Variants in TNFSF4 observed in about 807,000 individuals in gnomAD.
TNFSF4 encodes the protein tumor necrosis factor ligand superfamily member 4.
TNFSF4 carries 4 observed loss-of-function variants against 7.3 expected under a neutral mutation model. The observed-to-expected ratio is 0.55, with a 90% CI of 0.27 to 1.25. TNFSF4 has a LOEUF of 1.25. Ranked by LOEUF, TNFSF4 falls within the 50% of genes most tolerant of loss-of-function variation. TNFSF4 has a pLI of 0.12. For synonymous variants in TNFSF4, 76 were observed against 83.7 expected (o/e 0.91, Z 0.50); for missense variants, 181 against 208.8 (o/e 0.87, Z 0.82).
At chr1:173,328,064 T>C in the TNFSF4 span, among the ~76,000 whole-genome samples, 1 of 152,128 alleles carries the variant, frequency 6.6e-6, no homozygotes, top group Non-Finnish European at 1.5e-5. Flanking sequence ...TGTATGGTTA[T>C]TGCGGCACTA....
chr1:173,317,074 C>A, the TNFSF4 span, among the ~76,000 whole-genome samples: 2 of 152,162 alleles, frequency 1.3e-5, no homozygotes, highest in East Asian at 1.9e-4. Context: ...CTTGCAGTTT[C>A]TGGGCCTTTT....
the TNFSF4 span, among the ~76,000 whole-genome samples, chr1:173,291,954 A>G: frequency 6.6e-6 from 1 of 152,012 alleles, no homozygotes; most frequent in Non-Finnish European, 1.5e-5. Context: ...AACCCTGAAC[A>G]CAACAGTAAC....
chr1:173,189,289 A>T (rs1321569094), intron 1 of TNFSF4, among the ~76,000 whole-genome samples: 1 of 152,188 alleles, frequency 6.6e-6, no homozygotes, highest in Non-Finnish European at 1.5e-5. Flanking sequence ...TGGTTCAATC[A>T]ATCCATCATG....
At chr1:173,235,070 T>C in the TNFSF4 span, among the ~76,000 whole-genome samples, 9 of 152,212 alleles carry the variant, frequency 5.9e-5, no homozygotes, top group Non-Finnish European at 1.5e-5. Context: ...AGTGTTCCCT[T>C]TATTTTGAGT....
At chr1:173,302,016 A>T in the TNFSF4 span, among the ~76,000 whole-genome samples, 5 of 151,920 alleles carry the variant, frequency 3.3e-5, no homozygotes, top group African/African-American at 1.2e-4. Context: ...AGCTAAAAGA[A>T]TTGAGGTCAT....
chr1:173,429,585 C>G, the TNFSF4 span, among the ~76,000 whole-genome samples: 1 of 152,324 alleles, frequency 6.6e-6, no homozygotes, highest in East Asian at 1.9e-4. Flanking sequence ...CAAGACTGAG[C>G]ACAGGCTACG....
the TNFSF4 span, among the ~76,000 whole-genome samples, chr1:173,248,034 G>T: frequency 2.0e-5 from 3 of 152,160 alleles, no homozygotes; most frequent in Non-Finnish European, 4.4e-5. Context: ...CTTGAGGGGT[G>T]AGTGTTCTAG....
chr1:173,286,957 T>C, the TNFSF4 span, among the ~76,000 whole-genome samples: 10 of 152,108 alleles, frequency 6.6e-5, no homozygotes, highest in East Asian at 1.7e-3. Flanking sequence ...AAAAAAGACA[T>C]TGAAATAACT....
chr1:173,216,853 T>C, the TNFSF4 span, among the ~76,000 whole-genome samples: 1 of 152,196 alleles, frequency 6.6e-6, no homozygotes, highest in South Asian at 2.1e-4. Context: ...CTTCCTACTG[T>C]CTGCCATGTT....
chr1:173,294,937 G>C, the TNFSF4 span, among the ~76,000 whole-genome samples: 2 of 151,726 alleles, frequency 1.3e-5, no homozygotes, highest in Non-Finnish European at 2.9e-5. Flanking sequence ...ATTTTTTAAC[G>C]GGCAAAATAT....
chr1:173,322,506 G>GCAGAAT, the TNFSF4 span, among the ~76,000 whole-genome samples: 1 of 152,104 alleles, frequency 6.6e-6, no homozygotes, highest in Non-Finnish European at 1.5e-5. Flanking sequence ...GAGGTACCGG[G>GCAGAAT]TTCATCTCAC....
intron 1 of TNFSF4, among the ~76,000 whole-genome samples, chr1:173,197,776 G>GC (rs2101993196): frequency 6.6e-6 from 1 of 152,122 alleles, no homozygotes; most frequent in South Asian, 2.1e-4. Flanking sequence ...AGCCACCATG[G>GC]CACACGTTTA....
the TNFSF4 span, among the ~76,000 whole-genome samples, chr1:173,307,883 A>T: frequency 6.6e-6 from 1 of 151,946 alleles, no homozygotes; most frequent in Non-Finnish European, 1.5e-5. Context: ...ATAAAAGTTT[A>T]AAAATTATCT....
chr1:173,439,078 G>C, the TNFSF4 span, among the ~76,000 whole-genome samples: 1 of 152,228 alleles, frequency 6.6e-6, no homozygotes, highest in Non-Finnish European at 1.5e-5. Context: ...CCAACGGCCA[G>C]AAGCTGTCAT....
chr1:173,271,528 G>T, the TNFSF4 span, among the ~76,000 whole-genome samples: 2 of 152,098 alleles, frequency 1.3e-5, no homozygotes, highest in Non-Finnish European at 2.9e-5. Context: ...CCATCAAAAA[G>T]TAGGCAAAGG....
chr1:173,339,286 T>C, the TNFSF4 span, among the ~76,000 whole-genome samples: 2 of 151,972 alleles, frequency 1.3e-5, no homozygotes, highest in African/African-American at 2.4e-5. Flanking sequence ...GGAGGCTAAG[T>C]TGGGAGGTTC....
chr1:173,405,208 C>T, the TNFSF4 span, among the ~76,000 whole-genome samples: 1 of 152,154 alleles, frequency 6.6e-6, no homozygotes, highest in Non-Finnish European at 1.5e-5. Context: ...ACTTTGTGGG[C>T]CATATGGTTT....
the TNFSF4 span, among the ~76,000 whole-genome samples, chr1:173,369,837 CTT>C: frequency 6.6e-6 from 1 of 151,054 alleles, no homozygotes; most frequent in South Asian, 2.1e-4. Context: ...TATGTCCAAG[CTT>C]TTTTTTTCAC....
the TNFSF4 span, among the ~76,000 whole-genome samples, chr1:173,220,655 A>G: frequency 1.3e-5 from 2 of 152,182 alleles, no homozygotes; most frequent in Non-Finnish European, 1.5e-5. Context: ...TAGAAAAGAC[A>G]CAAGAAAGAT....
Sources: allele counts gnomAD v4.1 joint callset (sites outside exome capture counted in the v4.1 genomes callset), GRCh38; gene constraint gnomAD v4.1.1; transcripts MANE v1.5; gene names NCBI Gene and HGNC (gene_info 2026-07-23, HGNC 2026-07-21).